Variants in GRIP1 observed in about 807,000 individuals in gnomAD.
GRIP1 encodes the protein glutamate receptor-interacting protein 1.
A neutral mutation model predicts 129.9 loss-of-function variants in GRIP1; 45 were observed. That is an observed-to-expected ratio of 0.35 (90% CI 0.27 to 0.44). The LOEUF (loss-of-function observed/expected upper bound fraction) is 0.44, where lower values mean the gene tolerates loss of function less well. GRIP1 is among the 20% of genes least tolerant of loss of function. The pLI is 1.00. For missense variants in GRIP1, 1,196 were observed against 1,396.8 expected (o/e 0.86, Z 2.29); for synonymous variants, 530 against 520.8 (o/e 1.02, Z -0.24).
chr12:66,634,802 G>T (rs1243059319), intron 1 of GRIP1, among the ~76,000 whole-genome samples: 1 of 152,198 alleles, frequency 6.6e-6, no homozygotes, highest in Non-Finnish European at 1.5e-5. Flanking sequence ...TAGAACCCCT[G>T]CCTACGGGGT....
intron 1 of GRIP1, among the ~76,000 whole-genome samples, chr12:66,754,393 C>T (rs1486548338): frequency 1.3e-5 from 2 of 152,192 alleles, no homozygotes; most frequent in Non-Finnish European, 2.9e-5. Context: ...CTGCAACACA[C>T]ACCGCAGCGT....
chr12:66,578,081 A>G (rs1029034454), intron 2 of GRIP1, among the ~76,000 whole-genome samples: 12 of 152,170 alleles, frequency 7.9e-5, no homozygotes, highest in African/African-American at 2.9e-4. Flanking sequence ...AGGATGAGTG[A>G]AACTGCTGAA....
At chr12:66,415,403 G>A (rs1013407855) in intron 15 of GRIP1, among the ~76,000 whole-genome samples, 6 of 152,204 alleles carry the variant, frequency 3.9e-5, no homozygotes, top group East Asian at 1.9e-4. Flanking sequence ...TGGCAATTAC[G>A]AAAAAGTCAA....
intron 1 of GRIP1, among the ~76,000 whole-genome samples, chr12:66,855,323 T>C (rs565147051): frequency 1.5e-3 from 233 of 152,148 alleles, no homozygotes; most frequent in African/African-American, 5.1e-3. Context: ...GCTGGAACTA[T>C]GTAGAGCAAG....
At chr12:66,629,139 C>A (rs989658934) in intron 1 of GRIP1, among the ~76,000 whole-genome samples, 4 of 152,132 alleles carry the variant, frequency 2.6e-5, no homozygotes, top group African/African-American at 7.2e-5. Context: ...ATTCTAGAAA[C>A]AAAAGTTCTG....
intron 2 of GRIP1, among the ~76,000 whole-genome samples, chr12:66,571,720 A>G (rs2062966172): frequency 6.6e-6 from 1 of 152,246 alleles, no homozygotes; most frequent in Non-Finnish European, 1.5e-5. Context: ...AAAAGTGCAG[A>G]AGCAATTAAC....
At chr12:67,034,587 T>C (rs1050075251) in intron 1 of GRIP1, among the ~76,000 whole-genome samples, 1 of 152,222 alleles carries the variant, frequency 6.6e-6, no homozygotes, top group African/African-American at 2.4e-5. Context: ...TTGCCATGAA[T>C]GGTGCTTGCA....
At chr12:67,021,700 A>G (rs2042869785) in intron 1 of GRIP1, among the ~76,000 whole-genome samples, 1 of 152,102 alleles carries the variant, frequency 6.6e-6, no homozygotes, top group Non-Finnish European at 1.5e-5. Flanking sequence ...ATTGTCAATT[A>G]TATTCATCCC....
chr12:66,470,121 C>T (rs888985809), intron 7 of GRIP1, among the ~76,000 whole-genome samples: 9 of 152,172 alleles, frequency 5.9e-5, no homozygotes, highest in Admixed American at 5.9e-4. Context: ...CCTCTCATGC[C>T]CTTCACCTTC....
At chr12:66,573,684 T>G (rs1400316126) in intron 2 of GRIP1, among the ~76,000 whole-genome samples, 1 of 152,118 alleles carries the variant, frequency 6.6e-6, no homozygotes, top group Non-Finnish European at 1.5e-5. Flanking sequence ...TTAAGCTGCT[T>G]CCTAGTCTGA....
chr12:66,768,507 T>C (rs2037716859), intron 1 of GRIP1, among the ~76,000 whole-genome samples: 1 of 152,114 alleles, frequency 6.6e-6, no homozygotes, highest in African/African-American at 2.4e-5. Context: ...AGTTAACGTG[T>C]GAGAGTGAGT....
At position 66,403,402 on chromosome 12, in the gene GRIP1, G is replaced by GT. The variant is rs199546487; in HGVS notation, c.1984+2880dup. On this transcript the variant is annotated intron_variant, in intron 16 of 24. Transcript: ENST00000359742. ...GGTCAGGCTTTACATTTTGAATAAT[G>GT]TTTTTTTTTCCTCCCTTACTTTGCT... Among the ~76,000 whole-genome samples the GT allele has an allele frequency of 3.3e-3, 502 of 151,046 alleles. 5 individuals carry two copies. Among genetic ancestry groups the GT allele is most frequent in the African/African-American group, 0.01 (426 of 41,198 alleles).
At chr12:66,384,151 A>C (rs1565685907) in intron 19 of GRIP1, among the ~76,000 whole-genome samples, 1 of 152,218 alleles carries the variant, frequency 6.6e-6, no homozygotes, top group African/African-American at 2.4e-5. Flanking sequence ...ATTGGTAACC[A>C]GTTCAGTTAT....
At chr12:66,386,759 C>T (rs758519027) in intron 19 of GRIP1, among the ~76,000 whole-genome samples, 4 of 152,184 alleles carry the variant, frequency 2.6e-5, no homozygotes, top group African/African-American at 7.2e-5. Flanking sequence ...CCAGTTAATT[C>T]GCTGCCAAAT....
intron 9 of GRIP1, among the ~76,000 whole-genome samples, chr12:66,459,823 T>C (rs894586841): frequency 6.6e-6 from 1 of 152,204 alleles, no homozygotes; most frequent in Non-Finnish European, 1.5e-5. Context: ...TGTTTTCTGT[T>C]TTACAGTGGT....
intron 13 of GRIP1, among the ~76,000 whole-genome samples, chr12:66,442,286 T>G (rs926208988): frequency 1.3e-5 from 2 of 152,156 alleles, no homozygotes; most frequent in African/African-American, 4.8e-5. Context: ...ACAGCCCTTT[T>G]TGTTGTTTCT....
chr12:66,521,674 C>T (rs930691336), intron 5 of GRIP1, among the ~76,000 whole-genome samples: 4 of 152,212 alleles, frequency 2.6e-5, no homozygotes, highest in African/African-American at 9.7e-5. Context: ...GGGTGCAGCG[C>T]ACCGGGCGCG....
At chr12:66,997,374 T>C (rs1465896357) in intron 1 of GRIP1, among the ~76,000 whole-genome samples, 1 of 151,070 alleles carries the variant, frequency 6.6e-6, no homozygotes, top group Non-Finnish European at 1.5e-5. Flanking sequence ...AGCCCAGGAG[T>C]TCAAGGCCAG....
chr12:66,382,123 G>C (rs560223814), intron 19 of GRIP1, among the ~76,000 whole-genome samples: 3 of 152,282 alleles, frequency 2.0e-5, no homozygotes, highest in African/African-American at 7.2e-5. Flanking sequence ...CCAGCTACTT[G>C]GGGGGCTGAG....
Sources: gnomAD v4.1 joint callset for allele counts (sites outside exome capture counted in the v4.1 genomes callset) on GRCh38, gnomAD v4.1.1 for gene constraint, MANE v1.5 for transcripts, NCBI Gene and HGNC (gene_info 2026-07-23, HGNC 2026-07-21) for gene names.